BABAM2: variants seen among roughly 807,000 people sequenced by gnomAD.
BABAM2 encodes the protein BRISC and BRCA1 A complex member 2, also known as BRISC and BRCA1-A complex member 2.
In BABAM2, 31 loss-of-function variants were observed where a neutral mutation model predicts 54.7. The observed-to-expected ratio is 0.57, with a 90% CI of 0.43 to 0.77. The LOEUF (loss-of-function observed/expected upper bound fraction) is 0.77, where lower values mean the gene tolerates loss of function less well. Among genes scored for constraint, BABAM2 ranks in the 30% least tolerant of loss-of-function variants. BABAM2 has a pLI of 0.00. For missense variants in BABAM2, 364 were observed against 455.8 expected (o/e 0.80, Z 1.83); for synonymous variants, 167 against 162.9 (o/e 1.03, Z -0.19).
intron 6 of BABAM2, among the ~76,000 whole-genome samples, chr2:28,054,304 C>G (rs771082805): frequency 3.3e-5 from 5 of 152,054 alleles, no homozygotes; most frequent in African/African-American, 4.8e-5. Context: ...CTCTTTCTCC[C>G]CCTACCCTTT....
chr2:28,299,157 T>C (rs1011271883), intron 11 of BABAM2, among the ~76,000 whole-genome samples: 5 of 152,170 alleles, frequency 3.3e-5, no homozygotes, highest in African/African-American at 1.2e-4. Context: ...CTTGGTCAAA[T>C]AAACAGCTAC....
At chr2:28,197,362 C>G (rs1295388098) in intron 7 of BABAM2, among the ~76,000 whole-genome samples, 1 of 152,160 alleles carries the variant, frequency 6.6e-6, no homozygotes, top group Non-Finnish European at 1.5e-5. Flanking sequence ...ATTTAACTTG[C>G]TAAGTTTATA....
At chr2:27,946,677 A>AGAGAG (rs949748273) in intron 3 of BABAM2, among the ~76,000 whole-genome samples, 1 of 151,964 alleles carries the variant, frequency 6.6e-6, no homozygotes, top group Non-Finnish European at 1.5e-5. Context: ...AGGAGAGAAG[A>AGAGAG]GAGAGGAGAG....
chr2:28,063,125 C>T (rs1410906533), intron 6 of BABAM2, among the ~76,000 whole-genome samples: 3 of 152,146 alleles, frequency 2.0e-5, no homozygotes, highest in Non-Finnish European at 4.4e-5. Flanking sequence ...TCTAAGCTTG[C>T]CCAGTCAGAG....
At chr2:28,001,249 G>T (rs11127131) in intron 4 of BABAM2, among the ~76,000 whole-genome samples, 6,115 of 152,246 alleles carry the variant, frequency 0.04, 650 homozygotes, top group Admixed American at 0.23. Context: ...ATTATTTTAA[G>T]ATCCCATTTG....
rs1189441435 is a variant in BABAM2 at position 28,035,109 on chromosome 2, G to A, written c.495+9689G>A. Among the ~76,000 whole-genome samples, 6 of 151,902 alleles carry A rather than the reference G, an allele frequency of 3.9e-5. 1 individual carries two copies. The highest frequency in any genetic ancestry group is 3.9e-4 in the Admixed American group (6 of 15,242). Reference sequence around the variant, plus strand: ...AATGATTTTTATGTTGATTGCATGTGGAAATGCTAATATTTTAGATATATT... The same window carrying A: ...AATGATTTTTATGTTGATTGCATGTAGAAATGCTAATATTTTAGATATATT... On this transcript the variant is annotated intron_variant, in intron 5 of 11. Transcript: ENST00000379624.
intron 9 of BABAM2, among the ~76,000 whole-genome samples, chr2:28,243,524 T>A (rs1358514892): frequency 6.6e-6 from 1 of 150,700 alleles, no homozygotes; most frequent in African/African-American, 2.4e-5. Context: ...AGAGCTAGAC[T>A]CCATCTCAAA....
At chr2:27,986,707 A>G (rs539540828) in intron 3 of BABAM2, among the ~76,000 whole-genome samples, 1 of 152,290 alleles carries the variant, frequency 6.6e-6, no homozygotes, top group South Asian at 2.1e-4. Context: ...TGAAGTTTAA[A>G]TGTTTACATT....
At chr2:27,942,222 T>C (rs1403106966) in intron 3 of BABAM2, among the ~76,000 whole-genome samples, 1 of 152,230 alleles carries the variant, frequency 6.6e-6, no homozygotes, top group East Asian at 1.9e-4. Flanking sequence ...ACCAAACTGA[T>C]GGCGCCTGGA....
chr2:27,899,367 T>A (rs184027384), intron 2 of BABAM2, among the ~76,000 whole-genome samples: 7 of 152,350 alleles, frequency 4.6e-5, no homozygotes, highest in Admixed American at 2.6e-4. Context: ...TGCTTCTTTT[T>A]CACAGATTCC....
chr2:28,046,787 CT>C (rs956125686), intron 6 of BABAM2, among the ~76,000 whole-genome samples: 205 of 144,104 alleles, frequency 1.4e-3, no homozygotes, highest in Admixed American at 1.2e-3. Flanking sequence ...TACATTCCAT[CT>C]TTTTTTTTTT....
intron 7 of BABAM2, among the ~76,000 whole-genome samples, chr2:28,172,666 G>A (rs1453167485): frequency 1.3e-5 from 2 of 152,210 alleles, no homozygotes; most frequent in Non-Finnish European, 2.9e-5. Flanking sequence ...GTGGGTGTGG[G>A]TGTGCATATA....
chr2:27,953,091 G>A (rs1669851881), intron 3 of BABAM2, among the ~76,000 whole-genome samples: 1 of 152,060 alleles, frequency 6.6e-6, no homozygotes, highest in Non-Finnish European at 1.5e-5. Context: ...GTATAATCTT[G>A]GCTCACTGCA....
At chr2:28,184,342 T>A (rs568469817) in intron 7 of BABAM2, among the ~76,000 whole-genome samples, 38 of 150,598 alleles carry the variant, frequency 2.5e-4, no homozygotes, top group African/African-American at 4.4e-4. Flanking sequence ...GTATTTTTTT[T>A]AAATACTTTA....
Position 27,905,632 on chromosome 2 carries a change from G to C in BABAM2, c.128+10948G>C, listed in dbSNP as rs1666136928. 4.6e-5 allele frequency among the ~76,000 whole-genome samples: 7 copies of C among 152,286 alleles called. No individual in the cohort carries two copies. In the South Asian group the frequency reaches 1.5e-3, roughly 32 times the overall value. ...TTCACTGTGTTATTGTTGTCACATTGTTATTTTAGAATCAGGGAGTCTATA... is the reference window on the plus strand; with the variant it reads ...TTCACTGTGTTATTGTTGTCACATTCTTATTTTAGAATCAGGGAGTCTATA... On this transcript the variant is annotated intron_variant, in intron 2 of 11. Transcript: ENST00000379624.
chr2:28,330,834 T>C (rs567338557), intron 11 of BABAM2, among the ~76,000 whole-genome samples: 1 of 152,334 alleles, frequency 6.6e-6, no homozygotes, highest in Non-Finnish European at 1.5e-5. Flanking sequence ...TTAAAAATTC[T>C]ACATTAAAAT....
At position 28,016,436 on chromosome 2, in the gene BABAM2, A is replaced by G. The variant is rs1442532529; in HGVS notation, c.301-8790A>G. The G allele has an allele frequency of 3.6e-6, 5 of 1,395,524 alleles. No homozygotes were observed. In the Admixed American group the frequency reaches 5.1e-5, roughly 14 times the overall value. 86.4% of individuals were successfully genotyped at this position (1,395,524 alleles called of 1,614,324 possible). A position where few individuals can be genotyped will look rare whatever the true frequency, so the allele number is the denominator to read the frequency against. On this transcript the variant is annotated intron_variant, in intron 4 of 11. Transcript: ENST00000379624. Reference sequence around the variant, plus strand: ...CTGGATTGGACCCCTTGATCTCGCCATTGCTGTTGGGTTCATATAGGCTAC... The same window carrying G: ...CTGGATTGGACCCCTTGATCTCGCCGTTGCTGTTGGGTTCATATAGGCTAC...
At chr2:27,900,784 C>T (rs1331857302) in intron 2 of BABAM2, among the ~76,000 whole-genome samples, 1 of 152,090 alleles carries the variant, frequency 6.6e-6, no homozygotes, top group Non-Finnish European at 1.5e-5. Flanking sequence ...TGGCTCACGC[C>T]TGTAATCCCA....
intron 10 of BABAM2, among the ~76,000 whole-genome samples, chr2:28,290,319 G>A (rs1237526595): frequency 6.8e-6 from 1 of 146,782 alleles, no homozygotes; most frequent in East Asian, 1.9e-4. Flanking sequence ...TTACACACAT[G>A]TGGTAGTTTC....
Sources: gnomAD v4.1 joint callset for allele counts (sites outside exome capture counted in the v4.1 genomes callset) on GRCh38, gnomAD v4.1.1 for gene constraint, MANE v1.5 for transcripts, NCBI Gene and HGNC (gene_info 2026-07-23, HGNC 2026-07-21) for gene names.